The following MDGA1 variants were observed in gnomAD, a reference collection of about 807,000 sequenced individuals.
The protein encoded by MDGA1 is MAM domain containing glycosylphosphatidylinositol anchor 1.
A neutral mutation model predicts 101.5 loss-of-function variants in MDGA1; 54 were observed. That is an observed-to-expected ratio of 0.53 (90% CI 0.43 to 0.67). The LOEUF (loss-of-function observed/expected upper bound fraction) is 0.67. Among genes scored for constraint, MDGA1 ranks in the 30% least tolerant of loss-of-function variants. The probability of loss-of-function intolerance (pLI) is 0.00; values close to 1 mark genes in which losing one functional copy is unlikely to be tolerated. For synonymous variants in MDGA1, 533 were observed against 558.3 expected, an observed-to-expected ratio of 0.95 and a Z score of 0.64; for missense variants, 1,083 against 1,323.8, an observed-to-expected ratio of 0.82 and a Z score of 2.82.
intron 1 of MDGA1, among the ~76,000 whole-genome samples, chr6:37,677,904 C>T (rs527837055): frequency 7.2e-5 from 11 of 152,154 alleles, no homozygotes; most frequent in Admixed American, 7.2e-4. Context: ...CTGGAAAGCA[C>T]CCCACCCAGC....
At chr6:37,667,702 C>G (rs77441952) in intron 1 of MDGA1, among the ~76,000 whole-genome samples, 1 of 152,334 alleles carries the variant, frequency 6.6e-6, no homozygotes, top group East Asian at 1.9e-4. Context: ...TTAACAGGCT[C>G]CAGTGGAAGA....
At chr6:37,688,289 G>A (rs1034244999) in intron 1 of MDGA1, among the ~76,000 whole-genome samples, 5 of 152,198 alleles carry the variant, frequency 3.3e-5, no homozygotes, top group East Asian at 3.8e-4. Context: ...CAGGAGGCCC[G>A]GGGTGGGGCT....
intron 2 of MDGA1, among the ~76,000 whole-genome samples, chr6:37,662,190 G>A (rs980121332): frequency 2.0e-5 from 3 of 151,356 alleles, no homozygotes; most frequent in African/African-American, 7.3e-5. Flanking sequence ...GATGGGAGGA[G>A]GGGTGAGGTG....
Position 37,657,338 on chromosome 6 carries a change from G to A in MDGA1, c.382+907C>T, listed in dbSNP as rs114201040. ...AGTACACATTCCAACATCTTGCAAC[G>A]AATGTTCCAGCAGCCCATCATTCTG... On this transcript the variant is annotated intron_variant, in intron 3 of 16. Transcript: ENST00000434837. 8.6e-3 allele frequency among the ~76,000 whole-genome samples: 1,313 copies of A among 152,224 alleles called. 19 individuals are homozygous for A. Among genetic ancestry groups the A allele is most frequent in the African/African-American group, 0.029 (1,184 of 41,510 alleles).
At chr6:37,693,845 C>T (rs957151986) in intron 1 of MDGA1, among the ~76,000 whole-genome samples, 1 of 152,198 alleles carries the variant, frequency 6.6e-6, no homozygotes. Flanking sequence ...AGCACTTGGC[C>T]GTTGTAGCAT....
chr6:37,692,478 G>A (rs1382989082), intron 1 of MDGA1, among the ~76,000 whole-genome samples: 1 of 151,814 alleles, frequency 6.6e-6, no homozygotes, highest in Non-Finnish European at 1.5e-5. Context: ...TGTTTGGGGT[G>A]GGGGTGTCTT....
chr6:37,670,081 T>C (rs1445944817), intron 1 of MDGA1, among the ~76,000 whole-genome samples: 1 of 152,192 alleles, frequency 6.6e-6, no homozygotes. Flanking sequence ...GGTGATGCTG[T>C]GTGATGCTGA....
intron 6 of MDGA1, among the ~76,000 whole-genome samples, chr6:37,653,046 T>C (rs1761405066): frequency 1.3e-5 from 2 of 152,178 alleles, no homozygotes; most frequent in Admixed American, 6.6e-5. Flanking sequence ...CTTAAAAAAA[T>C]GTGGATCATG....
chr6:37,660,966 G>T (rs1048095907), intron 2 of MDGA1, among the ~76,000 whole-genome samples: 1 of 152,142 alleles, frequency 6.6e-6, no homozygotes, highest in East Asian at 1.9e-4. Flanking sequence ...TCAGGTTAGG[G>T]TTTCCTCACT....
Position 37,645,967 on chromosome 6 carries a change from A to C in MDGA1, c.2225-11T>G. ...TCGGAGAGTTGATGGCTGAGAAAGC[A>C]AGCGGGGAAACCAAGTCAGAACTGA... On this transcript the variant is annotated splice_polypyrimidine_tract_variant and intron_variant, in intron 11 of 16. Transcript: ENST00000434837. 5 of 1,614,006 alleles carry C rather than the reference A, an allele frequency of 3.1e-6. No homozygotes were observed. The highest frequency in any genetic ancestry group is 4.2e-6 in the Non-Finnish European group (5 of 1,179,888).
chr6:37,674,135 A>G (rs1761928498), intron 1 of MDGA1, among the ~76,000 whole-genome samples: 1 of 152,122 alleles, frequency 6.6e-6, no homozygotes, highest in Non-Finnish European at 1.5e-5. Context: ...ACCATATTAA[A>G]GCCTGTTCCC....
chr6:37,689,425 A>G (rs1295783250), intron 1 of MDGA1, among the ~76,000 whole-genome samples: 2 of 152,188 alleles, frequency 1.3e-5, no homozygotes, highest in East Asian at 3.8e-4. Context: ...ATGAAGTTCA[A>G]AACTTCACTC....
chr6:37,692,868 T>TC (rs1351816556), intron 1 of MDGA1, among the ~76,000 whole-genome samples: 1 of 151,982 alleles, frequency 6.6e-6, no homozygotes, highest in Non-Finnish European at 1.5e-5. Context: ...ACCGACCTCC[T>TC]CCCCTGACCT....
chr6:37,642,147 G>GTATATA (rs35308269), intron 14 of MDGA1, among the ~76,000 whole-genome samples: 4,675 of 135,284 alleles, frequency 0.035, 261 homozygotes, highest in East Asian at 0.27. Context: ...TTATATATAT[G>GTATATA]TATATATATA....
chr6:37,637,599 A>G (rs1763958613), intron 16 of MDGA1, 140 bp from the exon 17 acceptor site: 1 of 664,342 alleles, frequency 1.5e-6, no homozygotes, highest in Admixed American at 2.8e-5. Flanking sequence ...CAGTGCACAC[A>G]GACAAACTCA....
intron 1 of MDGA1, among the ~76,000 whole-genome samples, chr6:37,688,049 TG>T (rs1275973960): frequency 6.6e-6 from 1 of 152,116 alleles, no homozygotes; most frequent in Admixed American, 6.5e-5. Context: ...AAATAATCAG[TG>T]GATTTTGTTT....
rs1018528082 is a variant in MDGA1 at position 37,638,775 on chromosome 6, G to T, written c.2537-108C>A. On this transcript the variant is annotated intron_variant, in intron 14 of 16. Coordinates refer to ENST00000434837, the MANE Select transcript of MDGA1 (RefSeq NM_153487.4). This position sits in a 1 kb window ranked among gnomAD's most constrained non-coding sequence, Gnocchi z 4.8. ...CACCATAGCCTGCAGCCCTGTCCCT[G>T]TTGACAGGACCTCCTCCCCATGCCC... 2 of 1,429,842 alleles carry T rather than the reference G, an allele frequency of 1.4e-6. No individual in the cohort carries two copies. Among genetic ancestry groups the T allele is most frequent in the Non-Finnish European group, 1.9e-6 (2 of 1,058,838 alleles). 88.6% of individuals were successfully genotyped at this position (1,429,842 alleles called of 1,614,324 possible).
chr6:37,685,569 G>A (rs1013623206), intron 1 of MDGA1, among the ~76,000 whole-genome samples: 7 of 152,174 alleles, frequency 4.6e-5, no homozygotes, highest in African/African-American at 7.2e-5. Context: ...CAGCCCATCC[G>A]TCTCTGTTCC....
Position 37,647,313 on chromosome 6 carries a change from T to C in MDGA1, c.1906A>G (p.Ser636Gly), listed in dbSNP as rs1761229891. 1.9e-6 allele frequency: 3 copies of C among 1,546,600 alleles called. No individual in the cohort carries two copies. Among genetic ancestry groups the C allele is most frequent in the Non-Finnish European group, 2.6e-6 (3 of 1,144,262 alleles). ...GGGGTGTCGAAGTAAAACTCCGGGCTGTAGGCTTTGGCTAAGAGGGCGGGG... is the reference window on the plus strand; with the variant it reads ...GGGGTGTCGAAGTAAAACTCCGGGCCGTAGGCTTTGGCTAAGAGGGCGGGG... ...CLFQVSAKAYSPEFYFDTPNP... is the reference protein window; with the variant it reads ...CLFQVSAKAYGPEFYFDTPNP... The change falls in exon 10 of 17, where the codon AGC becomes GGC. Residue 636 changes from serine to glycine, a missense_variant. By Grantham distance (56) the Ser-to-Gly change is moderately conservative. Around this residue, in one of 3 missense-constraint regions of MDGA1, gnomAD observed 657 missense variants for 771.4 expected, o/e 0.85. Coordinates refer to ENST00000434837, the MANE Select transcript of MDGA1 (RefSeq NM_153487.4).
Sources: allele counts gnomAD v4.1 joint callset (sites outside exome capture counted in the v4.1 genomes callset), GRCh38; gene constraint gnomAD v4.1.1; regional missense constraint gnomAD v4.1.1; non-coding constraint Gnocchi (gnomAD v3.1); transcripts MANE v1.5; gene names NCBI Gene and HGNC (gene_info 2026-07-23, HGNC 2026-07-21).